MED13L: variants seen among roughly 807,000 people sequenced by gnomAD.
MED13L encodes mediator of RNA polymerase II transcription subunit 13-like.
A neutral mutation model predicts 220.9 loss-of-function variants in MED13L; 7 were observed. The ratio of observed to expected loss-of-function variants is 0.03; its 90% CI spans 0.02 to 0.06. The LOEUF (loss-of-function observed/expected upper bound fraction) is 0.06, where lower values mean the gene tolerates loss of function less well. Ranked by LOEUF, MED13L falls within the 10% of genes least tolerant of loss-of-function variation. The pLI, the probability that MED13L is intolerant of heterozygous loss-of-function variation, is 1.00. For missense variants in MED13L, 1,965 were observed against 2,760.5 expected (o/e 0.71, Z 6.46); for synonymous variants, 1,011 against 1,015.2 (o/e 1.00, Z 0.08).
At chr12:116,068,235 A>G (rs917855875) in intron 4 of MED13L, among the ~76,000 whole-genome samples, 3 of 152,224 alleles carry the variant, frequency 2.0e-5, no homozygotes, top group Non-Finnish European at 2.9e-5. Context: ...CTGACAGCTG[A>G]TAATACTAAT....
intron 4 of MED13L, among the ~76,000 whole-genome samples, chr12:116,056,114 C>T (rs1868950173): frequency 6.6e-6 from 1 of 152,074 alleles, no homozygotes; most frequent in African/African-American, 2.4e-5. Flanking sequence ...GGGTAGGACC[C>T]TCACCACAAC....
chr12:115,972,279 A>C (rs368588153), intron 25 of MED13L, 43 bp from the exon 26 acceptor site: 10 of 1,604,870 alleles, frequency 6.2e-6, no homozygotes, highest in Non-Finnish European at 8.5e-6. Context: ...TTAGAAATTC[A>C]TACTGATGGG....
chr12:116,028,876 T>C (rs1005327120), intron 4 of MED13L, among the ~76,000 whole-genome samples: 3 of 152,300 alleles, frequency 2.0e-5, no homozygotes, highest in Admixed American at 2.0e-4. Flanking sequence ...AAAATCTCTG[T>C]AGTTAAACTT....
At chr12:115,978,593 T>C (rs1241961854) in intron 23 of MED13L, among the ~76,000 whole-genome samples, 5 of 152,040 alleles carry the variant, frequency 3.3e-5, no homozygotes, top group South Asian at 2.1e-4. Flanking sequence ...TCCCAAAGTG[T>C]TGGGATTATA....
chr12:116,038,713 A>C (rs557713601), intron 4 of MED13L, among the ~76,000 whole-genome samples: 32 of 143,972 alleles, frequency 2.2e-4, no homozygotes, highest in African/African-American at 8.0e-4. Flanking sequence ...CAACAGCAGC[A>C]AGCAGGACTT....
chr12:115,992,066 G>A (rs947083896), intron 16 of MED13L, 109 bp from the exon 17 acceptor site: 2 of 982,640 alleles, frequency 2.0e-6, no homozygotes, highest in Non-Finnish European at 1.6e-6. Context: ...ATTTGTTTCT[G>A]CTATCACTGG....
intron 2 of MED13L, among the ~76,000 whole-genome samples, chr12:116,116,656 G>A (rs1874547369): frequency 1.3e-5 from 2 of 151,898 alleles, no homozygotes; most frequent in African/African-American, 4.8e-5. Context: ...CTTACTCCTG[G>A]CATCTGAAGT....
At chr12:116,092,030 G>C (rs11067904) in intron 4 of MED13L, among the ~76,000 whole-genome samples, 26,827 of 152,090 alleles carry the variant, frequency 0.18, 2,524 homozygotes, top group Middle Eastern at 0.26. Flanking sequence ...CAGAAAATGA[G>C]TAAATGTTTT....
At chr12:116,120,076 A>G (rs1268005599) in intron 2 of MED13L, among the ~76,000 whole-genome samples, 1 of 151,960 alleles carries the variant, frequency 6.6e-6, no homozygotes, top group East Asian at 1.9e-4. Context: ...AAACATGCAT[A>G]GAGTTGACTT....
intron 9 of MED13L, among the ~76,000 whole-genome samples, chr12:116,011,499 G>A (rs1879400018): frequency 6.6e-6 from 1 of 152,166 alleles, no homozygotes. Flanking sequence ...GGGAAAATAA[G>A]ATGAAAGAAA....
chr12:116,112,177 C>T (rs1420445148), intron 2 of MED13L, among the ~76,000 whole-genome samples: 1 of 152,086 alleles, frequency 6.6e-6, no homozygotes, highest in Non-Finnish European at 1.5e-5. Flanking sequence ...ATTAACAATG[C>T]CCCATGCATT....
intron 1 of MED13L, among the ~76,000 whole-genome samples, chr12:116,274,136 G>A (rs984827619): frequency 6.6e-6 from 1 of 152,038 alleles, no homozygotes; most frequent in Non-Finnish European, 1.5e-5. Flanking sequence ...TATACACAAT[G>A]GCATTTTTCA....
intron 13 of MED13L, 88 bp from the exon 14 acceptor site, chr12:116,003,190 G>T: frequency 8.8e-7 from 1 of 1,137,334 alleles, no homozygotes; most frequent in Non-Finnish European, 1.3e-6. Context: ...CCTATTGGTA[G>T]ATGCCTCTTG....
chr12:116,206,865 A>G (rs11609930), intron 2 of MED13L, among the ~76,000 whole-genome samples: 22,803 of 152,216 alleles, frequency 0.15, 1,923 homozygotes, highest in Middle Eastern at 0.22. Context: ...CTTCATAATT[A>G]TAAAATGATT....
intron 2 of MED13L, among the ~76,000 whole-genome samples, chr12:116,160,161 G>A (rs1878750096): frequency 6.6e-6 from 1 of 151,984 alleles, no homozygotes. Context: ...CATATCGTCA[G>A]GTTAAATTCC....
At chr12:116,143,812 A>G (rs916333735) in intron 2 of MED13L, among the ~76,000 whole-genome samples, 2 of 152,242 alleles carry the variant, frequency 1.3e-5, no homozygotes, top group African/African-American at 2.4e-5. Context: ...GTTCATATTC[A>G]TAGACAGGAT....
chr12:116,216,317 A>G (rs1317144456), intron 2 of MED13L, among the ~76,000 whole-genome samples: 2 of 152,072 alleles, frequency 1.3e-5, no homozygotes, highest in Non-Finnish European at 2.9e-5. Context: ...GTCCTGAAGC[A>G]TTATTTTTAC....
Position 116,111,420 on chromosome 12 carries a change from T to G in MED13L, c.395+8A>C, listed in dbSNP as rs1399208716. ...CTGCAAACCACTGTCTGCTGTTCCT[T>G]CTCTTACCTTTCTAACAGATTGTGG... On this transcript the variant is annotated splice_region_variant and intron_variant, in intron 3 of 30. Coordinates refer to ENST00000281928, the MANE Select transcript of MED13L (RefSeq NM_015335.5). The G allele has an allele frequency of 8.7e-6, 14 of 1,610,744 alleles. No homozygotes were observed. Among genetic ancestry groups the G allele is most frequent in the Non-Finnish European group, 1.1e-5 (13 of 1,177,874 alleles).
At chr12:116,155,717 A>G (rs1035493397) in intron 2 of MED13L, among the ~76,000 whole-genome samples, 30 of 152,152 alleles carry the variant, frequency 2.0e-4, no homozygotes, top group African/African-American at 7.2e-4. Flanking sequence ...TTCTATAAAC[A>G]AGATTTAAGG....
Sources: allele counts gnomAD v4.1 joint callset (sites outside exome capture counted in the v4.1 genomes callset), GRCh38; gene constraint gnomAD v4.1.1; transcripts MANE v1.5; gene names NCBI Gene and HGNC (gene_info 2026-07-23, HGNC 2026-07-21).